Variants in DOCK3 observed in about 807,000 individuals in gnomAD.
The protein encoded by DOCK3 is dedicator of cytokinesis 3.
Under a neutral mutation model 265.6 loss-of-function variants are expected in DOCK3, and 60 were observed. That is an observed-to-expected ratio of 0.23 (90% CI 0.18 to 0.28). DOCK3 has a LOEUF of 0.28. Among genes scored for constraint, DOCK3 ranks in the 10% least tolerant of loss-of-function variants. The pLI is 1.00. For synonymous variants in DOCK3, 881 were observed against 938.0 expected (o/e 0.94, Z 1.11); for missense variants, 1,981 against 2,594.3 (o/e 0.76, Z 5.14).
chr3:50,858,351 A>G (rs1284256970), intron 3 of DOCK3, among the ~76,000 whole-genome samples: 1 of 151,918 alleles, frequency 6.6e-6, no homozygotes, highest in Non-Finnish European at 1.5e-5. Flanking sequence ...TGGGTGCAGC[A>G]TACCAACACG....
chr3:50,680,124 A>G (rs2034280786), intron 1 of DOCK3, among the ~76,000 whole-genome samples: 1 of 152,182 alleles, frequency 6.6e-6, no homozygotes, highest in Non-Finnish European at 1.5e-5. Context: ...GGCTTGAAAG[A>G]TAAGACATAC....
chr3:50,782,100 C>G (rs948222504), intron 2 of DOCK3, among the ~76,000 whole-genome samples: 2 of 152,000 alleles, frequency 1.3e-5, no homozygotes, highest in Admixed American at 1.3e-4. Context: ...ATGCATATGT[C>G]TTTATGATAG....
At chr3:50,757,451 C>T (rs570498653) in intron 1 of DOCK3, among the ~76,000 whole-genome samples, 10 of 152,186 alleles carry the variant, frequency 6.6e-5, no homozygotes, top group South Asian at 2.1e-4. Context: ...CGATTACAGG[C>T]GTGAGCCACT....
At chr3:50,748,774 A>G (rs2039609760) in intron 1 of DOCK3, among the ~76,000 whole-genome samples, 2 of 152,252 alleles carry the variant, frequency 1.3e-5, no homozygotes, top group South Asian at 4.1e-4. Context: ...GTTACCTTGA[A>G]TAGAGGATGT....
chr3:51,332,904 T>C, intron 33 of DOCK3, 97 bp from the exon 34 acceptor site: 1 of 1,530,948 alleles, frequency 6.5e-7, no homozygotes, highest in Non-Finnish European at 8.9e-7. Context: ...CTCAGTGGCA[T>C]CCTTAGGAAC....
At chr3:51,351,244 G>C (rs183629362) in intron 40 of DOCK3, among the ~76,000 whole-genome samples, 48 of 152,268 alleles carry the variant, frequency 3.2e-4, no homozygotes, top group African/African-American at 1.1e-3. Flanking sequence ...ATCACCCCCA[G>C]TTCCAATATC....
chr3:50,832,492 C>A (rs2045246001), intron 2 of DOCK3, among the ~76,000 whole-genome samples: 1 of 152,284 alleles, frequency 6.6e-6, no homozygotes, highest in Non-Finnish European at 1.5e-5. Flanking sequence ...CCAGAATCTA[C>A]AAGGAGCTTA....
chr3:51,200,818 C>T (rs566136735), intron 12 of DOCK3, among the ~76,000 whole-genome samples: 209 of 152,210 alleles, frequency 1.4e-3, no homozygotes, highest in Non-Finnish European at 2.1e-3. Flanking sequence ...AGACTAACAG[C>T]GGATCTCTTG....
chr3:50,890,453 T>TG (rs1330145234), intron 4 of DOCK3, among the ~76,000 whole-genome samples: 1 of 152,014 alleles, frequency 6.6e-6, no homozygotes, highest in Non-Finnish European at 1.5e-5. Context: ...AAGTTGAAAT[T>TG]GAAAAAGTTT....
intron 7 of DOCK3, among the ~76,000 whole-genome samples, chr3:51,087,503 A>G (rs2082470168): frequency 6.6e-6 from 1 of 152,214 alleles, no homozygotes; most frequent in African/African-American, 2.4e-5. Flanking sequence ...AAAGCTGTAT[A>G]TGACACATCC....
intron 49 of DOCK3, among the ~76,000 whole-genome samples, chr3:51,363,447 C>T (rs1341596966): frequency 6.6e-6 from 1 of 152,082 alleles, no homozygotes; most frequent in Non-Finnish European, 1.5e-5. Flanking sequence ...TCTCTTTGTT[C>T]TTCTCATTAT....
intron 27 of DOCK3, among the ~76,000 whole-genome samples, chr3:51,298,330 C>T (rs548010992): frequency 1.3e-5 from 2 of 152,304 alleles, no homozygotes; most frequent in South Asian, 2.1e-4. Flanking sequence ...AATTTGAGTT[C>T]TCTTTTTCTT....
At chr3:50,938,791 G>GA (rs1308154429) in intron 5 of DOCK3, among the ~76,000 whole-genome samples, 1 of 151,242 alleles carries the variant, frequency 6.6e-6, no homozygotes, top group Non-Finnish European at 1.5e-5. Flanking sequence ...CTAATAATAG[G>GA]AAAAAAAGCA....
chr3:50,700,247 C>A (rs1486297422), intron 1 of DOCK3, among the ~76,000 whole-genome samples: 1 of 152,202 alleles, frequency 6.6e-6, no homozygotes, highest in Non-Finnish European at 1.5e-5. Flanking sequence ...CCATTGCACT[C>A]CAGCCTGGGC....
intron 12 of DOCK3, among the ~76,000 whole-genome samples, chr3:51,164,719 G>T (rs545601878): frequency 1.3e-5 from 2 of 151,416 alleles, no homozygotes; most frequent in Admixed American, 1.3e-4. Flanking sequence ...CACCTACTAT[G>T]TACCCACAAA....
chr3:51,250,513 C>T (rs1050269799), intron 22 of DOCK3, among the ~76,000 whole-genome samples: 1 of 152,028 alleles, frequency 6.6e-6, no homozygotes, highest in African/African-American at 2.4e-5. Flanking sequence ...CAACTACTCA[C>T]GAGGCTGTGG....
intron 2 of DOCK3, among the ~76,000 whole-genome samples, chr3:50,819,816 G>A (rs2044296392): frequency 6.6e-6 from 1 of 152,144 alleles, no homozygotes; most frequent in Admixed American, 6.5e-5. Flanking sequence ...ACAAAACTTA[G>A]CCAGGCGTGG....
At chr3:50,893,471 A>G (rs957917202) in intron 4 of DOCK3, among the ~76,000 whole-genome samples, 27 of 152,114 alleles carry the variant, frequency 1.8e-4, no homozygotes, top group Admixed American at 1.8e-3. Flanking sequence ...GAAGAATACA[A>G]TAAGTAATAT....
intron 12 of DOCK3, among the ~76,000 whole-genome samples, chr3:51,163,402 CA>C (rs756710608): frequency 1.3e-3 from 163 of 127,596 alleles, no homozygotes; most frequent in South Asian, 1.2e-3. Flanking sequence ...AAGAAAATAG[CA>C]AAAAAAAAAA....
Sources: gnomAD v4.1 joint callset for allele counts (sites outside exome capture counted in the v4.1 genomes callset) on GRCh38, gnomAD v4.1.1 for gene constraint, MANE v1.5 for transcripts, NCBI Gene and HGNC (gene_info 2026-07-23, HGNC 2026-07-21) for gene names.